Variants in DPP10 observed in about 807,000 individuals in gnomAD.
DPP10 encodes dipeptidyl peptidase like 10.
Under a neutral mutation model 120.9 loss-of-function variants are expected in DPP10, and 33 were observed. That is an observed-to-expected ratio of 0.27 (90% CI 0.21 to 0.37). DPP10 has a LOEUF of 0.37. Ranked by LOEUF, DPP10 falls within the 10% of genes least tolerant of loss-of-function variation. The pLI is 1.00. For synonymous variants in DPP10, 337 were observed against 326.1 expected (o/e 1.03, Z -0.36); for missense variants, 816 against 942.8 (o/e 0.87, Z 1.76).
At chr2:114,816,593 T>G (rs964175320) in intron 1 of DPP10, among the ~76,000 whole-genome samples, 1 of 152,228 alleles carries the variant, frequency 6.6e-6, no homozygotes, top group African/African-American at 2.4e-5. Context: ...ATTGTTTTCT[T>G]ATTATTTATA....
chr2:114,761,447 C>T (rs548029643), intron 1 of DPP10, among the ~76,000 whole-genome samples: 35 of 152,074 alleles, frequency 2.3e-4, no homozygotes, highest in East Asian at 3.9e-4. Context: ...GAGACTCGCT[C>T]GTATGCTTGT....
At chr2:115,298,875 C>A (rs1428099256) in intron 1 of DPP10, among the ~76,000 whole-genome samples, 1 of 152,018 alleles carries the variant, frequency 6.6e-6, no homozygotes, top group Non-Finnish European at 1.5e-5. Context: ...TACTAAGAAA[C>A]TCAATTTTGA....
chr2:115,620,401 T>A (rs571206510), intron 5 of DPP10, among the ~76,000 whole-genome samples: 4 of 152,240 alleles, frequency 2.6e-5, no homozygotes, highest in Non-Finnish European at 4.4e-5. Context: ...TGGTATAACA[T>A]TAGTTCATCA....
intron 1 of DPP10, among the ~76,000 whole-genome samples, chr2:115,115,170 C>T (rs1297402878): frequency 6.6e-6 from 1 of 152,076 alleles, no homozygotes; most frequent in African/African-American, 2.4e-5. Flanking sequence ...GTTGTTTCTT[C>T]ATCATTTTGC....
intron 1 of DPP10, among the ~76,000 whole-genome samples, chr2:115,251,351 A>G (rs762330821): frequency 3.9e-5 from 6 of 152,108 alleles, no homozygotes; most frequent in Non-Finnish European, 7.4e-5. Flanking sequence ...GTGAGGCCCT[A>G]TTTCTCCAAC....
chr2:114,653,023 AGAGAGT>A (rs945747527), intron 1 of DPP10, among the ~76,000 whole-genome samples: 4 of 102,626 alleles, frequency 3.9e-5, no homozygotes, highest in African/African-American at 1.9e-4. Flanking sequence ...AGAGAGAGAG[AGAGAGT>A]GTGTGTGTGT....
intron 5 of DPP10, among the ~76,000 whole-genome samples, chr2:115,552,749 A>T (rs2079954113): frequency 2.0e-5 from 3 of 152,236 alleles, no homozygotes; most frequent in Non-Finnish European, 2.9e-5. Context: ...ATTAATGAAA[A>T]ACCTTACTCA....
At chr2:114,779,463 A>G (rs1682076323) in intron 1 of DPP10, among the ~76,000 whole-genome samples, 1 of 152,134 alleles carries the variant, frequency 6.6e-6, no homozygotes, top group South Asian at 2.1e-4. Flanking sequence ...AGGGTAGCAG[A>G]GGACTCCTGA....
intron 5 of DPP10, among the ~76,000 whole-genome samples, chr2:115,654,581 T>C (rs1180827616): frequency 6.6e-6 from 1 of 151,870 alleles, no homozygotes; most frequent in Non-Finnish European, 1.5e-5. Flanking sequence ...ATTTAGGGAT[T>C]GGGGTGGCTC....
rs549509361 is a variant in DPP10, at chr2:115,192,914, C to A, written c.61-116325C>A. ...TTTAATTAATTAAATAAATTAAATC[C>A]TTTTACACGGAATTTCCTTTACAAT... On this transcript the variant is annotated intron_variant, in intron 1 of 25. Coordinates refer to ENST00000410059, the MANE Select transcript of DPP10 (RefSeq NM_020868.6). Among the ~76,000 whole-genome samples the A allele has an allele frequency of 1.7e-4, 25 of 150,832 alleles. 1 individual carries two copies. Among genetic ancestry groups the A allele is most frequent in the Non-Finnish European group, 3.4e-4 (23 of 67,732 alleles).
chr2:114,684,262 T>G (rs949046798), intron 1 of DPP10, among the ~76,000 whole-genome samples: 26 of 152,040 alleles, frequency 1.7e-4, no homozygotes, highest in Admixed American at 1.1e-3. Context: ...AGGAACTTGC[T>G]CTTTTACCTC....
At chr2:114,558,287 A>ATTT (rs1171453684) in intron 1 of DPP10, among the ~76,000 whole-genome samples, 21 of 152,320 alleles carry the variant, frequency 1.4e-4, no homozygotes, top group African/African-American at 4.8e-4. Flanking sequence ...TGTCATCAAA[A>ATTT]TTCATGACTC....
chr2:114,930,430 C>T (rs999839577), intron 1 of DPP10, among the ~76,000 whole-genome samples: 2 of 152,162 alleles, frequency 1.3e-5, no homozygotes, highest in South Asian at 2.1e-4. Context: ...TACCTTAGAA[C>T]AGCATTCTTA....
chr2:115,045,738 G>T (rs962209238), intron 1 of DPP10, among the ~76,000 whole-genome samples: 3 of 152,036 alleles, frequency 2.0e-5, no homozygotes, highest in Non-Finnish European at 4.4e-5. Context: ...TTAAAACCAG[G>T]TATTGTAATC....
chr2:115,327,051 C>G (rs1310683182), intron 2 of DPP10, among the ~76,000 whole-genome samples: 1 of 151,890 alleles, frequency 6.6e-6, no homozygotes, highest in Non-Finnish European at 1.5e-5. Context: ...CTTGAAGTGC[C>G]CTATCCAGGT....
At chr2:114,828,619 T>G (rs188775964) in intron 1 of DPP10, 1 of 152,190 alleles carries the variant, frequency 6.6e-6, no homozygotes, top group Non-Finnish European at 1.5e-5. Flanking sequence ...AATAAATGAA[T>G]ACATAAAACA....
At chr2:115,351,536 T>G (rs2064035049) in intron 3 of DPP10, among the ~76,000 whole-genome samples, 1 of 151,974 alleles carries the variant, frequency 6.6e-6, no homozygotes, top group Non-Finnish European at 1.5e-5. Flanking sequence ...GATTAAAATT[T>G]TAAAAATCAA....
At position 115,125,798 on chromosome 2, in the gene DPP10, A is replaced by G. The variant is rs761121860; in HGVS notation, c.61-183441A>G. ...CGGGTTTCACCACGTTAGCCAGGAT[A>G]GTCTTGATCTCTTGACCTCTTGATT... On this transcript the variant is annotated intron_variant, in intron 1 of 25. Transcript: ENST00000410059. Among the ~76,000 whole-genome samples, 30 of 151,886 alleles carry G rather than the reference A, an allele frequency of 2.0e-4. 1 individual carries two copies. Among genetic ancestry groups the G allele is most frequent in the Admixed American group, 4.6e-4 (7 of 15,250 alleles).
At chr2:114,940,148 A>G (rs1696783475) in intron 1 of DPP10, among the ~76,000 whole-genome samples, 1 of 152,248 alleles carries the variant, frequency 6.6e-6, no homozygotes, top group East Asian at 1.9e-4. Context: ...TTATTTCTGA[A>G]CTGCTCTCCT....
Sources: allele counts gnomAD v4.1 joint callset (sites outside exome capture counted in the v4.1 genomes callset), GRCh38; gene constraint gnomAD v4.1.1; transcripts MANE v1.5; gene names NCBI Gene and HGNC (gene_info 2026-07-23, HGNC 2026-07-21).